The following PRSS22 variants were observed in gnomAD, a reference collection of about 807,000 sequenced individuals.
PRSS22 encodes the protein serine protease 22.
Under a neutral mutation model 28.0 loss-of-function variants are expected in PRSS22, and 26 were observed. The ratio of observed to expected loss-of-function variants is 0.93; its 90% CI spans 0.68 to 1.29. PRSS22 has a LOEUF of 1.29. Among genes scored for constraint, PRSS22 ranks in the 50% most tolerant of loss-of-function variants. The probability of loss-of-function intolerance (pLI) is 0.00; values close to 1 mark genes in which losing one functional copy is unlikely to be tolerated. For synonymous variants in PRSS22, 217 were observed against 177.9 expected (o/e 1.22, Z -1.75); for missense variants, 444 against 422.1 (o/e 1.05, Z -0.46).
In PRSS22 at chr16:2,852,903, G is replaced by A; in HGVS notation, c.*190C>T. Reference sequence around the variant, plus strand: ...CCGTTGGGCGGGGCCTGATGCCTTGGAGGCGGGGCCTGAGGCCGTCGGGCG... The same window carrying A: ...CCGTTGGGCGGGGCCTGATGCCTTGAAGGCGGGGCCTGAGGCCGTCGGGCG... On this transcript the variant is annotated 3_prime_UTR_variant, in exon 6 of 6. Transcript: ENST00000161006. The A allele has an allele frequency of 1.7e-6, 1 of 571,524 alleles. No individual in the cohort carries two copies. Among genetic ancestry groups the A allele is most frequent in the Non-Finnish European group, 3.1e-6 (1 of 327,158 alleles). 35.4% of individuals were successfully genotyped at this position (571,524 alleles called of 1,614,324 possible). A position where few individuals can be genotyped will look rare whatever the true frequency, so the allele number is the denominator to read the frequency against.
At chr16:2,854,102 C>T (rs1001380654) in intron 4 of PRSS22, 80 bp from the exon 5 acceptor site, 3 of 1,502,540 alleles carry the variant, frequency 2.0e-6, no homozygotes, top group Non-Finnish European at 2.8e-6. Flanking sequence ...CCCCCCAACA[C>T]CATTCCTCTC....
In PRSS22 at chr16:2,853,602, G is replaced by A. The variant is rs1163053697; in HGVS notation, c.717+263C>T. On this transcript the variant is annotated intron_variant, in intron 5 of 5. Transcript: ENST00000161006. This position sits in a 1 kb window ranked among gnomAD's most constrained non-coding sequence, Gnocchi z 4.6. Reference sequence around the variant, plus strand: ...TGAGCTACAGCTGGCTCTGGGCACTGAGGCGTGGGAAGCCCCCTGAAGGAA... The same window carrying A: ...TGAGCTACAGCTGGCTCTGGGCACTAAGGCGTGGGAAGCCCCCTGAAGGAA... Among the ~76,000 whole-genome samples the A allele has an allele frequency of 6.6e-6, 1 of 152,236 alleles. No homozygotes were observed. Among genetic ancestry groups the A allele is most frequent in the Non-Finnish European group, 1.5e-5 (1 of 68,042 alleles).
At chr16:2,856,915 CA>C in intron 1 of PRSS22, 67 bp from the exon 2 acceptor site, 3 of 1,531,010 alleles carry the variant, frequency 2.0e-6, no homozygotes, top group African/African-American at 1.4e-5. Flanking sequence ...GAGGGGCCCT[CA>C]ACGCCCAGTG....
chr16:2,853,876 C>T lies in PRSS22; in HGVS notation c.706G>A (p.Asp236Asn). Residue 236 changes from aspartate to asparagine, a missense_variant, in exon 5 of 6, where the codon GAT becomes AAT. Physicochemically the swap from Asp to Asn is conservative, Grantham distance 23 (BLOSUM62 1). Transcript: ENST00000161006. This position sits in a 1 kb window ranked among gnomAD's most constrained non-coding sequence, Gnocchi z 4.6. ...TCGAGGGAGCTCACCAGACAAGCATCCCGCTCCCCCTCCAAGTAGCCGGCA... is the reference window on the plus strand; with the variant it reads ...TCGAGGGAGCTCACCAGACAAGCATTCCGCTCCCCCTCCAAGTAGCCGGCA... ...LCAGYLEGERDACLGDSGGPL... is the reference protein window; with the variant it reads ...LCAGYLEGERNACLGDSGGPL... The T allele has an allele frequency of 6.2e-7, 1 of 1,614,030 alleles. No homozygotes were observed. Among genetic ancestry groups the T allele is most frequent in the Non-Finnish European group, 8.5e-7 (1 of 1,180,008 alleles).
In PRSS22 at chr16:2,852,798, T is replaced by TA. The variant is rs2069415064; in HGVS notation, c.*294dup. 5 of 416,500 alleles carry TA rather than the reference T, an allele frequency of 1.2e-5. No homozygotes were observed. In the East Asian group the frequency reaches 2.1e-4, roughly 17 times the overall value. 25.8% of individuals were successfully genotyped at this position (416,500 alleles called of 1,614,324 possible). ...ATGTGGGCAGGGTTACAAATACCTA[T>TA]AAAAATCATTAACATTTATATACAC... On this transcript the variant is annotated 3_prime_UTR_variant, in exon 6 of 6. Transcript: ENST00000161006.
rs750459272 is a variant in PRSS22 at position 2,855,707 on chromosome 16, A to T, written c.426T>A (p.Ile142=). 1.2e-6 allele frequency: 2 copies of T among 1,614,206 alleles called. No homozygotes were observed. Among genetic ancestry groups the T allele is most frequent in the Non-Finnish European group, 1.7e-6 (2 of 1,180,040 alleles). ...TGGAGCGCTCGAGACGCACCAGGGC[A>T]ATGTCTGCACAGGCACCTTCCTTCC... ...YSWKEGACAD[I]ALVRLERSIQ... is the part of the protein sequence containing the mutation. The change falls in exon 4 of 6, where the codon ATT becomes ATA. Residue 142 remains isoleucine (I), a synonymous_variant. Transcript: ENST00000161006.
At chr16:2,855,931 C>A (rs1047644968) in intron 3 of PRSS22, 80 bp from the exon 4 acceptor site, 10 of 1,529,136 alleles carry the variant, frequency 6.5e-6, no homozygotes, top group Non-Finnish European at 8.8e-6. Context: ...GGTGTGAAGG[C>A]CCCTGAAGGC....
intron 2 of PRSS22, among the ~76,000 whole-genome samples, 154 bp from the exon 3 acceptor site, chr16:2,856,407 A>G (rs2069457455): frequency 6.6e-6 from 1 of 151,162 alleles, no homozygotes. Flanking sequence ...CTTGCACTCC[A>G]AGCTCCACCC....
chr16:2,855,759 C>T lies in PRSS22; in HGVS notation c.374G>A (p.Trp125Ter). The change falls in exon 4 of 6, where the codon TGG becomes TAG. Residue 125 changes from tryptophan (W) to a stop codon, truncating the protein, a stop_gained. Coordinates refer to ENST00000161006, the MANE Select transcript of PRSS22 (RefSeq NM_022119.4). LOFTEE classifies it high-confidence loss of function. ...GSRSQKVGVA[W>*]VEPHPVYSWK... The stretch of plus-strand genomic sequence containing the variant: ...GGAATACACAGGGTGGGGCTCCACC[C>T]AGGCAACACCCACCTTCTGGGACCG... 4 of 1,614,170 alleles carry T rather than the reference C, an allele frequency of 2.5e-6. No homozygotes were observed. The highest frequency in any genetic ancestry group is 3.4e-6 in the Non-Finnish European group (4 of 1,180,040).
intron 4 of PRSS22, chr16:2,854,517 C>T (rs188344974): frequency 1.4e-3 from 214 of 156,946 alleles, no homozygotes; most frequent in Middle Eastern, 3.4e-3. Flanking sequence ...CTCAGAGTTA[C>T]TGGGATCCCC....
intron 1 of PRSS22, 70 bp downstream of exon 1, chr16:2,857,952 GA>G: frequency 8.8e-7 from 1 of 1,131,658 alleles, no homozygotes; most frequent in Non-Finnish European, 1.1e-6. Context: ...AGGAGGGAGA[GA>G]GGGAGGGAGG....
chr16:2,856,369 C>A lies in PRSS22; in HGVS notation c.110-116G>T. On this transcript the variant is annotated intron_variant, in intron 2 of 5. Coordinates refer to ENST00000161006, the MANE Select transcript of PRSS22 (RefSeq NM_022119.4). ...CACAGCCCAAGCTCCGTTCATGTCCCCAAGCTCTACCCACATCCCAAGTTT... is the reference window on the plus strand; with the variant it reads ...CACAGCCCAAGCTCCGTTCATGTCCACAAGCTCTACCCACATCCCAAGTTT... 2.9e-6 allele frequency: 3 copies of A among 1,031,178 alleles called. No individual in the cohort carries two copies. In the South Asian group the frequency reaches 4.5e-5, roughly 15 times the overall value. 63.9% of individuals were successfully genotyped at this position (1,031,178 alleles called of 1,614,324 possible).
intron 1 of PRSS22, chr16:2,857,166 T>TC (rs2069466631): frequency 5.3e-6 from 2 of 378,724 alleles, no homozygotes; most frequent in African/African-American, 2.6e-5. Context: ...TGGGAAGGGG[T>TC]CCCAGCACCC....
At position 2,853,968 on chromosome 16, in the gene PRSS22, G is replaced by C. The variant is rs761231881; in HGVS notation, c.614C>G (p.Ser205Trp). The change falls in exon 5 of 6, where the codon TCG becomes TGG. Residue 205 changes from serine (S) to tryptophan (W), a missense_variant. By Grantham distance (177) the Ser-to-Trp change is radical. Coordinates refer to ENST00000161006, the MANE Select transcript of PRSS22 (RefSeq NM_022119.4). This position sits in a 1 kb window ranked among gnomAD's most constrained non-coding sequence, Gnocchi z 4.6. ...CCAGTACAGATGGCTGCAGACTTCC[G>C]AGTCGATGATAGGAACCTTCAGCTT... ...LQKLKVPIID[S>W]EVCSHLYWRG... 2.5e-6 allele frequency: 4 copies of C among 1,614,100 alleles called. No individual in the cohort carries two copies. The highest frequency in any genetic ancestry group is 2.2e-5 in the South Asian group (2 of 91,084).
At chr16:2,854,221 T>G in intron 4 of PRSS22, 199 bp from the exon 5 acceptor site, 1 of 601,816 alleles carries the variant, frequency 1.7e-6, no homozygotes, top group Non-Finnish European at 2.9e-6. Context: ...AATTAGAACA[T>G]GAATGTGAAA....
intron 4 of PRSS22, among the ~76,000 whole-genome samples, chr16:2,854,633 CTCTT>C (rs1278206762): frequency 3.9e-5 from 6 of 152,350 alleles, no homozygotes; most frequent in African/African-American, 1.2e-4. Context: ...CTCTTTCAAA[CTCTT>C]TCTTCCAGGT....
rs757887173 is a variant in PRSS22 at position 2,857,958 on chromosome 16, G to GGGAGGGAA, written c.82+57_82+64dup. 5 of 1,175,624 alleles carry GGGAGGGAA rather than the reference G, an allele frequency of 4.3e-6. No individual in the cohort carries two copies. The African/African-American group carries it at 4.8e-5, about 11-fold the overall frequency. The allele number at this position is 1,175,624 out of a possible 1,614,324, so 72.8% of individuals were successfully genotyped here. On this transcript the variant is annotated intron_variant, in intron 1 of 5. Coordinates refer to ENST00000161006, the MANE Select transcript of PRSS22 (RefSeq NM_022119.4). Reference sequence around the variant, plus strand: ...GGCAAGGCCAGGAGGGAGAGAGGGAGGGAGGGAAGGAGGGAAGGAGGGTGG... The same window carrying GGGAGGGAA: ...GGCAAGGCCAGGAGGGAGAGAGGGAGGGAGGGAAGGAGGGAAGGAGGGAAGGAGGGTGG...
intron 2 of PRSS22, 32 bp from the exon 3 acceptor site, chr16:2,856,285 A>G (rs1462929543): frequency 6.2e-7 from 1 of 1,608,514 alleles, no homozygotes; most frequent in Admixed American, 1.7e-5. Flanking sequence ...TGTTATCTCC[A>G]ACTTCCTACA....
Position 2,853,914 on chromosome 16 carries a change from T to G in PRSS22, c.668A>C (p.Glu223Ala). The change falls in exon 5 of 6, where the codon GAG (glutamate) becomes GCG (alanine). Residue 223 changes from glutamate (E) to alanine (A), a missense_variant. By Grantham distance (107) the Glu-to-Ala change is moderately radical. Coordinates refer to ENST00000161006, the MANE Select transcript of PRSS22 (RefSeq NM_022119.4). This position sits in a 1 kb window ranked among gnomAD's most constrained non-coding sequence, Gnocchi z 4.6. ...WRGAGQGPIT[E>A]DMLCAGYLEG... is the part of the protein sequence containing the mutation. The stretch of plus-strand genomic sequence containing the variant: ...CAAGTAGCCGGCACACAGCATGTCC[T>G]CAGTGATGGGTCCCTGTCCTGCTCC... 1 of 1,614,160 alleles carries G rather than the reference T, an allele frequency of 6.2e-7. No individual in the cohort carries two copies. Among genetic ancestry groups the G allele is most frequent in the Non-Finnish European group, 8.5e-7 (1 of 1,180,016 alleles).
Sources: gnomAD v4.1 joint callset for allele counts (sites outside exome capture counted in the v4.1 genomes callset) on GRCh38, gnomAD v4.1.1 for gene constraint, Gnocchi (gnomAD v3.1) non-coding constraint, MANE v1.5 for transcripts, NCBI Gene and HGNC (gene_info 2026-07-23, HGNC 2026-07-21) for gene names.